The following NRXN3 variants were observed in gnomAD, a reference collection of about 807,000 sequenced individuals.
NRXN3 encodes the protein neurexin III.
A neutral mutation model predicts 137.6 loss-of-function variants in NRXN3; 32 were observed. The ratio of observed to expected loss-of-function variants is 0.23; its 90% confidence interval spans 0.18 to 0.31. The LOEUF (loss-of-function observed/expected upper bound fraction) is 0.31, where lower values mean the gene tolerates loss of function less well. NRXN3 is among the 10% of genes least tolerant of loss of function. The probability of loss-of-function intolerance (pLI) is 1.00; values close to 1 mark genes in which losing one functional copy is unlikely to be tolerated. For missense variants in NRXN3, 1,574 were observed against 2,062.5 expected, an observed-to-expected ratio of 0.76 and a Z score of 4.59; for synonymous variants, 798 against 784.5, an observed-to-expected ratio of 1.02 and a Z score of -0.29.
rs532758038 is a variant in NRXN3, at chr14:79,619,860, G to A, written c.3445-43918G>A. 2.0e-5 allele frequency among the ~76,000 whole-genome samples: 3 copies of A among 152,220 alleles called. No individual in the cohort carries two copies. In the East Asian group the frequency reaches 5.8e-4, roughly 29 times the overall value. On this transcript the variant is annotated intron_variant, in intron 16 of 20. Coordinates refer to ENST00000335750, the MANE Select transcript of NRXN3 (RefSeq NM_001330195.2). Reference sequence around the variant, plus strand: ...TCTTTATAAAGTTTCTTAATCATGAGTGCCCATTTGAGTGGTCTGTGGGTT... The same window carrying A: ...TCTTTATAAAGTTTCTTAATCATGAATGCCCATTTGAGTGGTCTGTGGGTT...
At chr14:79,417,141 GA>G (rs1327759314) in intron 15 of NRXN3, among the ~76,000 whole-genome samples, 2 of 152,034 alleles carry the variant, frequency 1.3e-5, no homozygotes, top group Non-Finnish European at 2.9e-5. Context: ...GTGTATGATG[GA>G]GATGATTATT....
intron 8 of NRXN3, among the ~76,000 whole-genome samples, chr14:78,748,201 T>C (rs2152943839): frequency 6.6e-6 from 1 of 152,262 alleles, no homozygotes; most frequent in East Asian, 1.9e-4. Flanking sequence ...ACAGAGCATA[T>C]ATGATGATGT....
intron 15 of NRXN3, among the ~76,000 whole-genome samples, chr14:79,439,942 GA>G (rs1264763101): frequency 2.6e-5 from 4 of 152,184 alleles, no homozygotes; most frequent in African/African-American, 9.7e-5. Flanking sequence ...CTGGTTCAGA[GA>G]TGATATATGC....
At chr14:79,797,409 A>G (rs569470132) in intron 19 of NRXN3, among the ~76,000 whole-genome samples, 82 of 152,288 alleles carry the variant, frequency 5.4e-4, no homozygotes, top group African/African-American at 1.9e-3. Context: ...TGTTGTTCCA[A>G]TCGAAATACT....
chr14:79,813,731 A>G (rs2099242877), intron 20 of NRXN3, among the ~76,000 whole-genome samples: 1 of 152,056 alleles, frequency 6.6e-6, no homozygotes, highest in South Asian at 2.1e-4. Flanking sequence ...TTTTCCTTTT[A>G]ATTTCCGTTT....
chr14:78,989,740 A>G, intron 15 of NRXN3, among the ~76,000 whole-genome samples: 1 of 152,166 alleles, frequency 6.6e-6, no homozygotes, highest in South Asian at 2.1e-4. Flanking sequence ...TTTTCTCTAA[A>G]TGGTGGCATA....
At chr14:78,334,292 G>A (rs1201641663) in intron 4 of NRXN3, among the ~76,000 whole-genome samples, 4 of 152,134 alleles carry the variant, frequency 2.6e-5, no homozygotes, top group African/African-American at 4.8e-5. Flanking sequence ...GCATACAGAC[G>A]GTGATTAAAG....
At chr14:79,628,666 A>G (rs2098309789) in intron 16 of NRXN3, among the ~76,000 whole-genome samples, 1 of 152,244 alleles carries the variant, frequency 6.6e-6, no homozygotes, top group Non-Finnish European at 1.5e-5. Flanking sequence ...GCAGTAACAA[A>G]GCATGGTACC....
At chr14:79,059,413 A>G (rs1001580156) in intron 15 of NRXN3, among the ~76,000 whole-genome samples, 1 of 151,708 alleles carries the variant, frequency 6.6e-6, no homozygotes, top group Non-Finnish European at 1.5e-5. Flanking sequence ...GCCCGCCACC[A>G]CACCCAGCTA....
intron 4 of NRXN3, chr14:78,614,942 C>G (rs2097332744): frequency 2.2e-6 from 1 of 456,410 alleles, no homozygotes; most frequent in Admixed American, 2.4e-5. Context: ...TTCTTCAGTG[C>G]CCAGTTTTCT....
At chr14:79,229,851 C>T (rs772921156) in intron 15 of NRXN3, among the ~76,000 whole-genome samples, 42 of 152,064 alleles carry the variant, frequency 2.8e-4, no homozygotes, top group Non-Finnish European at 5.1e-4. Context: ...GCTGAAGGGC[C>T]GCTAGACCTA....
At chr14:79,735,833 A>G (rs2098939943) in intron 19 of NRXN3, among the ~76,000 whole-genome samples, 2 of 152,186 alleles carry the variant, frequency 1.3e-5, no homozygotes, top group Admixed American at 1.3e-4. Flanking sequence ...TATCCTGCTC[A>G]GTTCCCTGCC....
intron 4 of NRXN3, among the ~76,000 whole-genome samples, chr14:78,575,250 C>T (rs12435510): frequency 0.033 from 5,087 of 152,142 alleles, 105 homozygotes; most frequent in African/African-American, 0.052. Context: ...CTCATAGTAG[C>T]GCAAGCACAG....
intron 8 of NRXN3, among the ~76,000 whole-genome samples, chr14:78,774,003 C>T (rs1402607478): frequency 3.3e-5 from 5 of 152,128 alleles, no homozygotes; most frequent in African/African-American, 9.7e-5. Flanking sequence ...AGTTTCACCA[C>T]GTTGGCCAAG....
intron 15 of NRXN3, among the ~76,000 whole-genome samples, chr14:79,424,587 A>G (rs2095627300): frequency 6.6e-6 from 1 of 152,186 alleles, no homozygotes; most frequent in Non-Finnish European, 1.5e-5. Context: ...TGTAAGGTCT[A>G]AAACTGTTAA....
intron 15 of NRXN3, among the ~76,000 whole-genome samples, chr14:79,239,107 TATG>T (rs2073890196): frequency 6.6e-6 from 1 of 152,118 alleles, no homozygotes; most frequent in Non-Finnish European, 1.5e-5. Context: ...TATACATAGT[TATG>T]ATAAGGTTTA....
chr14:79,504,385 A>G (rs1000803386), intron 16 of NRXN3, among the ~76,000 whole-genome samples: 1 of 151,840 alleles, frequency 6.6e-6, no homozygotes, highest in East Asian at 1.9e-4. Flanking sequence ...ATATAATTAT[A>G]ATTATATTCT....
chr14:78,179,842 G>GTTTTTTTTT (rs796341902), intron 1 of NRXN3, among the ~76,000 whole-genome samples: 113 of 109,084 alleles, frequency 1.0e-3, no homozygotes, highest in Non-Finnish European at 1.6e-3. Flanking sequence ...CTGTTTTTTT[G>GTTTTTTTTT]TTTTTTTTTT....
intron 16 of NRXN3, among the ~76,000 whole-genome samples, chr14:79,470,961 T>A (rs1435469437): frequency 0.042 from 3,822 of 90,824 alleles, 158 homozygotes; most frequent in African/African-American, 0.14. Flanking sequence ...AGTGTGTGTG[T>A]GTGTGTGTGT....
Sources: allele counts gnomAD v4.1 joint callset (sites outside exome capture counted in the v4.1 genomes callset), GRCh38; gene constraint gnomAD v4.1.1; transcripts MANE v1.5; gene names NCBI Gene and HGNC (gene_info 2026-07-23, HGNC 2026-07-21).